CLASP2: variants seen among roughly 807,000 people sequenced by gnomAD.
The protein encoded by CLASP2 is cytoplasmic linker associated protein 2, also known as CLIP-associating protein 2.
In CLASP2, 47 loss-of-function variants were observed where a neutral mutation model predicts 194.4. That is an observed-to-expected ratio of 0.24 (90% confidence interval 0.19 to 0.31). CLASP2 has a LOEUF of 0.31. Among genes scored for constraint, CLASP2 ranks in the 10% least tolerant of loss-of-function variants. CLASP2 has a pLI of 1.00. For synonymous variants in CLASP2, 619 were observed against 633.5 expected, an observed-to-expected ratio of 0.98 and a Z score of 0.34; for missense variants, 1,445 against 1,823.6, an observed-to-expected ratio of 0.79 and a Z score of 3.78.
At chr3:33,631,575 T>C (rs921853613) in intron 9 of CLASP2, among the ~76,000 whole-genome samples, 18 of 151,832 alleles carry the variant, frequency 1.2e-4, no homozygotes, top group Admixed American at 7.9e-4. Context: ...AGGGCGCCTG[T>C]AATCTCAGCT....
Position 33,535,280 on chromosome 3 carries a change from G to A in CLASP2, c.3740C>T (p.Ala1247Val). 6.2e-7 allele frequency: 1 copy of A among 1,613,958 alleles called. No homozygotes were observed. The highest frequency in any genetic ancestry group is 8.5e-7 in the Non-Finnish European group (1 of 1,179,848). ...SDSISPFNKSALKEAMFDDDA... is the reference protein window; with the variant it reads ...SDSISPFNKSVLKEAMFDDDA... ...ATCATCAAACATGGCTTCCTTGAGG[G>A]CAGACTTGTTGAAGGGACTGATGCT... The change falls in exon 34 of 39, where the codon GCC becomes GTC. Residue 1247 changes from alanine to valine, a missense_variant. Physicochemically the swap from Ala to Val is moderately conservative, Grantham distance 64. Transcript: ENST00000682230.
intron 18 of CLASP2, among the ~76,000 whole-genome samples, chr3:33,601,264 G>C (rs1197557358): frequency 6.6e-6 from 1 of 151,952 alleles, no homozygotes. Flanking sequence ...CCGGCGATAA[G>C]GCCCTTTTTA....
chr3:33,715,299 C>G (rs779947142), intron 1 of CLASP2, among the ~76,000 whole-genome samples: 9 of 152,186 alleles, frequency 5.9e-5, no homozygotes, highest in Non-Finnish European at 1.2e-4. Context: ...TCTCACTTTC[C>G]CATCTTCTGT....
chr3:33,626,117 T>C (rs1271284613), intron 10 of CLASP2, among the ~76,000 whole-genome samples: 2 of 152,144 alleles, frequency 1.3e-5, no homozygotes, highest in Non-Finnish European at 2.9e-5. Flanking sequence ...ATACTCTCTG[T>C]TAAAAACAGT....
intron 34 of CLASP2, among the ~76,000 whole-genome samples, chr3:33,520,908 T>C (rs186013123): frequency 2.0e-5 from 3 of 151,080 alleles, no homozygotes; most frequent in African/African-American, 7.3e-5. Context: ...CAGTGACATA[T>C]CACTAACAGT....
At chr3:33,531,760 A>G (rs996251648) in intron 34 of CLASP2, among the ~76,000 whole-genome samples, 1 of 152,142 alleles carries the variant, frequency 6.6e-6, no homozygotes, top group African/African-American at 2.4e-5. Context: ...AGACGACAAG[A>G]GCGAAACTCT....
At chr3:33,684,727 C>T (rs1219863226) in intron 5 of CLASP2, among the ~76,000 whole-genome samples, 1 of 152,106 alleles carries the variant, frequency 6.6e-6, no homozygotes, top group Non-Finnish European at 1.5e-5. Flanking sequence ...TGGCCAGGCA[C>T]GGTGGCTCAT....
At chr3:33,538,401 G>C (rs935287191) in intron 33 of CLASP2, among the ~76,000 whole-genome samples, 1 of 152,154 alleles carries the variant, frequency 6.6e-6, no homozygotes, top group Non-Finnish European at 1.5e-5. Flanking sequence ...TTCCTCCAAA[G>C]CACATTCTAT....
intron 13 of CLASP2, among the ~76,000 whole-genome samples, chr3:33,610,189 C>T (rs2074845716): frequency 6.6e-6 from 1 of 152,222 alleles, no homozygotes; most frequent in African/African-American, 2.4e-5. Flanking sequence ...TCTTCTCAAT[C>T]ACTTTCATAG....
chr3:33,511,902 AAAC>A lies in CLASP2; in HGVS notation c.4111-1141_4111-1139del, dbSNP rs754839107. Among the ~76,000 whole-genome samples the A allele has an allele frequency of 4.2e-4, 28 of 66,134 alleles. 4 individuals carry two copies. The highest frequency in any genetic ancestry group is 4.7e-4 in the East Asian group (1 of 2,132). The allele number at this position is 66,134 out of a possible 152,430, so 43.4% of individuals were successfully genotyped here. On this transcript the variant is annotated intron_variant, in intron 36 of 38. Transcript: ENST00000682230. ...GAATGGCAATCATTAAAAAGTCAGGAAACAACAGGTGCTGGAGAGGATGTGGAG... is the reference window on the plus strand; with the variant it reads ...GAATGGCAATCATTAAAAAGTCAGGAAACAGGTGCTGGAGAGGATGTGGAG...
At chr3:33,552,524 C>A (rs1049165774) in intron 29 of CLASP2, among the ~76,000 whole-genome samples, 6 of 152,116 alleles carry the variant, frequency 3.9e-5, no homozygotes, top group Non-Finnish European at 8.8e-5. Flanking sequence ...GCCTCATATA[C>A]TTATTTTTTT....
chr3:33,616,822 C>T (rs1310071112), intron 12 of CLASP2, among the ~76,000 whole-genome samples: 3 of 149,030 alleles, frequency 2.0e-5, no homozygotes, highest in African/African-American at 7.4e-5. Flanking sequence ...ACTGCAACCT[C>T]CCCCTCCCAA....
rs1334411652 is a variant in CLASP2, at chr3:33,535,944, C to T, written c.3559-483G>A. 6.7e-5 allele frequency among the ~76,000 whole-genome samples: 10 copies of T among 150,220 alleles called. No individual in the cohort carries two copies. In the East Asian group the frequency reaches 1.8e-3, roughly 26 times the overall value. ...AGGAGAAAAAAAAAAAAAAGAAAGG[C>T]TTAAAAGGCCTGCATAACTTTTGGA... is the stretch of plus-strand genomic sequence containing the variant. On this transcript the variant is annotated intron_variant, in intron 33 of 38. Transcript: ENST00000682230.
In CLASP2 at chr3:33,500,354, A is replaced by AT. The variant is rs1277501153; in HGVS notation, c.4434+1297dup. Among the ~76,000 whole-genome samples the AT allele has an allele frequency of 6.6e-5, 10 of 151,910 alleles. No homozygotes were observed. The East Asian group carries it at 1.2e-3, about 18-fold the overall frequency. ...GTTTCATCTAACGTTATTCCAAAAT[A>AT]TTTTTTCCACCTACCTACTGTCTTC... On this transcript the variant is annotated intron_variant, in intron 38 of 38. Coordinates refer to ENST00000682230, the MANE Select transcript of CLASP2 (RefSeq NM_001365631.1).
At chr3:33,690,322 C>T (rs867306210) in intron 2 of CLASP2, among the ~76,000 whole-genome samples, 3 of 152,126 alleles carry the variant, frequency 2.0e-5, no homozygotes, top group South Asian at 2.1e-4. Context: ...TTAGTGTGGT[C>T]GTACTAGGTG....
At chr3:33,617,433 C>T (rs145058896) in intron 12 of CLASP2, among the ~76,000 whole-genome samples, 2 of 152,046 alleles carry the variant, frequency 1.3e-5, no homozygotes, top group African/African-American at 4.8e-5. Flanking sequence ...CTATATTTCA[C>T]ACAAAAATTA....
intron 1 of CLASP2, among the ~76,000 whole-genome samples, chr3:33,716,373 A>T (rs1315111917): frequency 6.6e-6 from 1 of 152,222 alleles, no homozygotes; most frequent in Non-Finnish European, 1.5e-5. Flanking sequence ...ACAGAAAACT[A>T]GCATACTGTG....
intron 7 of CLASP2, among the ~76,000 whole-genome samples, chr3:33,646,596 A>G (rs999072632): frequency 1.3e-5 from 2 of 152,206 alleles, no homozygotes; most frequent in African/African-American, 2.4e-5. Context: ...AGCAGCCAGA[A>G]GTTCCCATGG....
At position 33,603,007 on chromosome 3, in the gene CLASP2, C is replaced by T. The variant is rs2072720593; in HGVS notation, c.1869G>A (p.Val623=). Residue 623 remains valine, a synonymous_variant, in exon 18 of 39, where the codon GTG becomes GTA. Transcript: ENST00000682230. ...CACCTGCACCTAAGCGCCCGCTTCG[C>T]ACAGACTGTCCAGCAGCATGATGTG... ...AKAHHAAGQS[V]RSGRLGAGAL... The T allele has an allele frequency of 6.2e-7, 1 of 1,610,126 alleles. No individual in the cohort carries two copies. The highest frequency in any genetic ancestry group is 1.7e-5 in the Admixed American group (1 of 59,584).
Sources: allele counts gnomAD v4.1 joint callset (sites outside exome capture counted in the v4.1 genomes callset), GRCh38; gene constraint gnomAD v4.1.1; transcripts MANE v1.5; gene names NCBI Gene and HGNC (gene_info 2026-07-23, HGNC 2026-07-21).